ANKFN1: variants seen among roughly 807,000 people sequenced by gnomAD.
The protein encoded by ANKFN1 is ankyrin repeat and fibronectin type-III domain-containing protein 1.
A neutral mutation model predicts 108.7 loss-of-function variants in ANKFN1; 74 were observed. That is an observed-to-expected ratio of 0.68 (90% confidence interval 0.56 to 0.83). The LOEUF (loss-of-function observed/expected upper bound fraction) is 0.83, where lower values mean the gene tolerates loss of function less well. Ranked by LOEUF, ANKFN1 falls within the 40% of genes least tolerant of loss-of-function variation. The pLI is 0.00. For synonymous variants in ANKFN1, 547 were observed against 516.2 expected (o/e 1.06, Z -0.81); for missense variants, 1,505 against 1,382.3 (o/e 1.09, Z -1.41).
At chr17:56,052,709 C>T (rs1904799252) in intron 4 of ANKFN1, among the ~76,000 whole-genome samples, 2 of 152,078 alleles carry the variant, frequency 1.3e-5, no homozygotes, top group Admixed American at 6.6e-5. Flanking sequence ...AGTGTTCTAG[C>T]TACATTGTTT....
chr17:56,225,361 AT>A (rs1267003828), intron 2 of ANKFN1, among the ~76,000 whole-genome samples: 1 of 152,132 alleles, frequency 6.6e-6, no homozygotes, highest in Non-Finnish European at 1.5e-5. Flanking sequence ...TTAAATATGA[AT>A]TTTTTACCAG....
intron 18 of ANKFN1, among the ~76,000 whole-genome samples, chr17:56,487,001 A>T (rs1230276568): frequency 6.6e-6 from 1 of 152,204 alleles, no homozygotes; most frequent in East Asian, 1.9e-4. Flanking sequence ...CACTGCATAG[A>T]TCTAGCAAAG....
chr17:56,307,015 G>A (rs921309372), intron 3 of ANKFN1, among the ~76,000 whole-genome samples: 6 of 152,156 alleles, frequency 3.9e-5, no homozygotes, highest in African/African-American at 1.4e-4. Context: ...TGGGAAAACT[G>A]GCTAGCCATA....
chr17:56,215,752 T>C (rs1359531003), intron 2 of ANKFN1: 2 of 152,212 alleles, frequency 1.3e-5, no homozygotes, highest in Admixed American at 1.3e-4. Flanking sequence ...AAATTCTTAA[T>C]AATTTTATAA....
At chr17:56,073,831 G>A (rs773697263) in intron 4 of ANKFN1, among the ~76,000 whole-genome samples, 6 of 152,300 alleles carry the variant, frequency 3.9e-5, no homozygotes, top group East Asian at 1.9e-4. Flanking sequence ...CTTCCAGCAC[G>A]TATCAGTAGT....
At chr17:56,274,857 G>A (rs1220399425) in intron 3 of ANKFN1, among the ~76,000 whole-genome samples, 1 of 152,162 alleles carries the variant, frequency 6.6e-6, no homozygotes, top group Non-Finnish European at 1.5e-5. Context: ...AAGGTTAAAG[G>A]CCATTAGATT....
At chr17:56,370,734 G>A (rs954479964) in intron 6 of ANKFN1, among the ~76,000 whole-genome samples, 1 of 152,130 alleles carries the variant, frequency 6.6e-6, no homozygotes, top group Non-Finnish European at 1.5e-5. Context: ...GTTTTAAACT[G>A]TCAATGCCTA....
At chr17:56,173,568 C>A (rs1288304949) in intron 1 of ANKFN1, among the ~76,000 whole-genome samples, 1 of 151,876 alleles carries the variant, frequency 6.6e-6, no homozygotes, top group African/African-American at 2.4e-5. Flanking sequence ...TTTTATGGTC[C>A]CACCCCAGCC....
intron 8 of ANKFN1, among the ~76,000 whole-genome samples, chr17:56,408,225 A>G (rs932283716): frequency 5.3e-5 from 8 of 152,080 alleles, no homozygotes; most frequent in Non-Finnish European, 1.0e-4. Context: ...TTGAGCCACC[A>G]CACCCAGCCA....
chr17:56,154,052 A>G (rs1227114694), intron 1 of ANKFN1, among the ~76,000 whole-genome samples: 1 of 151,758 alleles, frequency 6.6e-6, no homozygotes, highest in Non-Finnish European at 1.5e-5. Context: ...GTAAGAGGTC[A>G]TCTCTGAAGA....
intron 4 of ANKFN1, among the ~76,000 whole-genome samples, chr17:56,073,778 T>C (rs1270108265): frequency 6.6e-6 from 1 of 152,244 alleles, no homozygotes; most frequent in Non-Finnish European, 1.5e-5. Context: ...TGTATTTGTG[T>C]CTGATCTGTT....
intron 6 of ANKFN1, among the ~76,000 whole-genome samples, chr17:56,362,382 A>T (rs1242930564): frequency 1.3e-5 from 2 of 152,218 alleles, no homozygotes; most frequent in African/African-American, 4.8e-5. Context: ...TGACTATCAA[A>T]CATTTGAAAT....
intron 3 of ANKFN1, among the ~76,000 whole-genome samples, chr17:56,314,395 A>G (rs2045137718): frequency 6.6e-6 from 1 of 152,210 alleles, no homozygotes; most frequent in Non-Finnish European, 1.5e-5. Flanking sequence ...AGCAACCTAA[A>G]GGCACTATAG....
chr17:56,386,589 T>G, intron 8 of ANKFN1, among the ~76,000 whole-genome samples: 1 of 150,608 alleles, frequency 6.6e-6, no homozygotes. Flanking sequence ...AGTTTTTTTT[T>G]TTTTTTTTTT....
At chr17:56,432,621 G>A (rs528345562) in intron 8 of ANKFN1, among the ~76,000 whole-genome samples, 2 of 152,186 alleles carry the variant, frequency 1.3e-5, no homozygotes, top group Non-Finnish European at 2.9e-5. Context: ...TGTCCTTCAC[G>A]AGTTTCTGGG....
At chr17:56,050,300 T>C (rs1279420834) in intron 4 of ANKFN1, among the ~76,000 whole-genome samples, 5 of 149,920 alleles carry the variant, frequency 3.3e-5, no homozygotes, top group Non-Finnish European at 5.9e-5. Context: ...TAGCCCTTTG[T>C]CAGATGAGTA....
intron 14 of ANKFN1, among the ~76,000 whole-genome samples, chr17:56,459,864 A>G (rs968285708): frequency 7.9e-5 from 12 of 152,144 alleles, no homozygotes; most frequent in African/African-American, 2.7e-4. Flanking sequence ...TTCCAAATCT[A>G]TAGACCTCAC....
rs1245049422 is a variant in ANKFN1 at position 56,516,655 on chromosome 17, A to C, written c.*5386A>C. On this transcript the variant is annotated 3_prime_UTR_variant, in exon 21 of 21. Transcript: ENST00000682825. ...ATGTCCAGTACCCTCAATCAAAAAC[A>C]GCACTGGTAAAATGTATGCCTCTTC... Among the ~76,000 whole-genome samples the C allele has an allele frequency of 6.6e-6, 1 of 152,224 alleles. No individual in the cohort carries two copies. The highest frequency in any genetic ancestry group is 1.5e-5 in the Non-Finnish European group (1 of 68,042).
chr17:56,432,044 G>A (rs748631755), intron 8 of ANKFN1, among the ~76,000 whole-genome samples: 3 of 152,178 alleles, frequency 2.0e-5, no homozygotes, highest in Admixed American at 6.5e-5. Context: ...CTGTGGAAGC[G>A]CTGTCAGAGG....
Sources: allele counts gnomAD v4.1 joint callset (sites outside exome capture counted in the v4.1 genomes callset), GRCh38; gene constraint gnomAD v4.1.1; transcripts MANE v1.5; gene names NCBI Gene and HGNC (gene_info 2026-07-23, HGNC 2026-07-21).